Variants in GAN observed in about 807,000 individuals in gnomAD.
GAN encodes the protein epididymis secretory sperm binding protein.
In GAN, 48 loss-of-function variants were observed where a neutral mutation model predicts 71.3. The ratio of observed to expected loss-of-function variants is 0.67; its 90% CI spans 0.53 to 0.86. The LOEUF (loss-of-function observed/expected upper bound fraction) is 0.86, where lower values mean the gene tolerates loss of function less well. Ranked by LOEUF, GAN falls within the 40% of genes least tolerant of loss-of-function variation. The probability of loss-of-function intolerance (pLI) is 0.00; values close to 1 mark genes in which losing one functional copy is unlikely to be tolerated. For synonymous variants in GAN, 386 were observed against 276.8 expected (o/e 1.39, Z -3.92); for missense variants, 928 against 770.1 (o/e 1.21, Z -2.43).
chr16:81,374,946 C>G (rs1904276398), intron 9 of GAN, among the ~76,000 whole-genome samples: 1 of 152,096 alleles, frequency 6.6e-6, no homozygotes, highest in African/African-American at 2.4e-5. Context: ...TGATTCATGT[C>G]AGACCCAAAA....
chr16:81,331,688 C>G (rs990995954), intron 1 of GAN, among the ~76,000 whole-genome samples: 1 of 152,194 alleles, frequency 6.6e-6, no homozygotes, highest in African/African-American at 2.4e-5. Context: ...CGCTCTCTAG[C>G]TTTGCCAAAC....
intron 1 of GAN, among the ~76,000 whole-genome samples, chr16:81,331,718 C>A (rs1192196809): frequency 6.6e-6 from 1 of 152,124 alleles, no homozygotes; most frequent in Non-Finnish European, 1.5e-5. Flanking sequence ...TCTCTCATTT[C>A]TTTGTTGAAG....
chr16:81,345,601 G>A (rs1417245694), intron 1 of GAN, among the ~76,000 whole-genome samples: 4 of 152,166 alleles, frequency 2.6e-5, no homozygotes, highest in African/African-American at 7.2e-5. Context: ...TGTTAGGGGT[G>A]GGGGCCTAGG....
chr16:81,344,334 A>T (rs1910044871), intron 1 of GAN, among the ~76,000 whole-genome samples: 1 of 152,164 alleles, frequency 6.6e-6, no homozygotes, highest in African/African-American at 2.4e-5. Flanking sequence ...CAAAGAACAA[A>T]GTCAGGAGGC....
Position 81,377,517 on chromosome 16 carries a change from C to A in GAN, c.1715C>A (p.Ala572Asp), listed in dbSNP as rs778978997. 1 of 1,614,138 alleles carries A rather than the reference C, an allele frequency of 6.2e-7. No individual in the cohort carries two copies. The highest frequency in any genetic ancestry group is 8.5e-7 in the Non-Finnish European group (1 of 1,179,946). ...PSDLRRTGCA[A>D]LRIANCKLFR... The stretch of plus-strand genomic sequence containing the variant: ...GACCTTCGCCGTACAGGATGTGCAG[C>A]CTTACGCATTGCGAATTGCAAGCTT... The change falls in exon 11 of 11, where the codon GCC (alanine) becomes GAC (aspartate). Residue 572 changes from alanine (A) to aspartate (D), a missense_variant. Coordinates refer to ENST00000648994, the MANE Select transcript of GAN (RefSeq NM_022041.4).
chr16:81,322,037 A>G (rs1909239930), intron 1 of GAN, among the ~76,000 whole-genome samples: 1 of 152,204 alleles, frequency 6.6e-6, no homozygotes, highest in Non-Finnish European at 1.5e-5. Context: ...TTGGAAGAGC[A>G]GAGTTAAATC....
chr16:81,385,211 C>A lies in GAN; in HGVS notation c.*7615C>A, dbSNP rs1904364839. ...CCTCCAATGACAATCTGTTAGCACC[C>A]TGTTGACTTAGCTCAGGACATGAGA... is the stretch of plus-strand genomic sequence containing the variant. On this transcript the variant is annotated 3_prime_UTR_variant, in exon 11 of 11. Coordinates refer to ENST00000648994, the MANE Select transcript of GAN (RefSeq NM_022041.4). 6.6e-6 allele frequency: 1 copy of A among 152,180 alleles called. No homozygotes were observed. The highest frequency in any genetic ancestry group is 2.4e-5 in the African/African-American group (1 of 41,424). 9.4% of individuals were successfully genotyped at this position (152,180 alleles called of 1,614,324 possible). A position where few individuals can be genotyped will look rare whatever the true frequency, so the allele number is the denominator to read the frequency against.
intron 5 of GAN, among the ~76,000 whole-genome samples, chr16:81,359,649 A>T (rs911259010): frequency 2.0e-5 from 3 of 152,036 alleles, no homozygotes; most frequent in African/African-American, 7.2e-5. Flanking sequence ...ATGCATTATC[A>T]CTAATAAATA....
rs1010661801 is a variant in GAN, at chr16:81,384,887, G to T, written c.*7291G>T. ...AGGAAGAAGATGAGGAGGCTCACCAGTTGTAGGCAAGACTCTTCCTCTCGG... is the reference window on the plus strand; with the variant it reads ...AGGAAGAAGATGAGGAGGCTCACCATTTGTAGGCAAGACTCTTCCTCTCGG... On this transcript the variant is annotated 3_prime_UTR_variant, in exon 11 of 11. Coordinates refer to ENST00000648994, the MANE Select transcript of GAN (RefSeq NM_022041.4). 3.3e-5 allele frequency: 5 copies of T among 153,828 alleles called. No individual in the cohort carries two copies. The highest frequency in any genetic ancestry group is 4.8e-5 in the African/African-American group (2 of 41,478). The allele number at this position is 153,828 out of a possible 1,614,324, so 9.5% of individuals were successfully genotyped here.
intron 5 of GAN, among the ~76,000 whole-genome samples, chr16:81,358,234 A>C (rs985158668): frequency 1.3e-5 from 2 of 152,186 alleles, no homozygotes; most frequent in Non-Finnish European, 2.9e-5. Flanking sequence ...GTAGGGCCAC[A>C]CCTGGAACAC....
chr16:81,374,163 T>TTTCTTGCAA (rs1229468814), intron 9 of GAN, among the ~76,000 whole-genome samples: 2 of 152,204 alleles, frequency 1.3e-5, no homozygotes, highest in Non-Finnish European at 2.9e-5. Flanking sequence ...TAGACTGAGG[T>TTTCTTGCAA]TATGCAGTTT....
At chr16:81,369,808 G>T (rs1350188049) in intron 9 of GAN, among the ~76,000 whole-genome samples, 1 of 152,002 alleles carries the variant, frequency 6.6e-6, no homozygotes, top group East Asian at 1.9e-4. Context: ...CTGACCTCTT[G>T]ATCTGCCCGC....
rs975145316 is a variant in GAN, at chr16:81,387,382, C to T, written c.*9786C>T. The T allele has an allele frequency of 1.3e-5, 2 of 152,178 alleles. No homozygotes were observed. The highest frequency in any genetic ancestry group is 2.1e-4 in the South Asian group (1 of 4,828). The allele number at this position is 152,178 out of a possible 1,614,324, so 9.4% of individuals were successfully genotyped here. A position where few individuals can be genotyped will look rare whatever the true frequency, so the allele number is the denominator to read the frequency against. On this transcript the variant is annotated 3_prime_UTR_variant, in exon 11 of 11. Coordinates refer to ENST00000648994, the MANE Select transcript of GAN (RefSeq NM_022041.4). ...GGGTAGCCTTGCTGATGGGGCACGT[C>T]GTCACCAAGGGACCTGATTGTTGTC...
At chr16:81,346,742 C>G (rs765167753) in intron 1 of GAN, among the ~76,000 whole-genome samples, 2 of 152,130 alleles carry the variant, frequency 1.3e-5, no homozygotes, top group Non-Finnish European at 2.9e-5. Context: ...GAAGGAGGCT[C>G]TGGGGAAAAC....
intron 1 of GAN, among the ~76,000 whole-genome samples, chr16:81,334,051 A>G (rs1199254152): frequency 6.6e-6 from 1 of 152,196 alleles, no homozygotes; most frequent in African/African-American, 2.4e-5. Flanking sequence ...TTTGAGATAA[A>G]TTTCTCCTTT....
intron 5 of GAN, among the ~76,000 whole-genome samples, chr16:81,360,749 T>A (rs2150689245): frequency 6.6e-6 from 1 of 152,342 alleles, no homozygotes; most frequent in African/African-American, 2.4e-5. Context: ...CTTTGTTTTT[T>A]AAATAAATTT....
intron 3 of GAN, among the ~76,000 whole-genome samples, chr16:81,355,022 C>T (rs1202933755): frequency 6.6e-6 from 1 of 152,186 alleles, no homozygotes; most frequent in Non-Finnish European, 1.5e-5. Flanking sequence ...TGGGAAAATG[C>T]ATTTCAAGCT....
chr16:81,357,984 C>G, intron 5 of GAN, 53 bp downstream of exon 5: 2 of 1,491,148 alleles, frequency 1.3e-6, no homozygotes, highest in Non-Finnish European at 1.9e-6. Context: ...AATGTGTAAT[C>G]TCAAGGTTTT....
intron 1 of GAN, among the ~76,000 whole-genome samples, chr16:81,316,408 A>T (rs180804186): frequency 6.9e-6 from 1 of 144,780 alleles, no homozygotes; most frequent in Non-Finnish European, 1.5e-5. Context: ...AAGAAATTCA[A>T]GTGCCCTTGT....
Sources: gnomAD v4.1 joint callset for allele counts (sites outside exome capture counted in the v4.1 genomes callset) on GRCh38, gnomAD v4.1.1 for gene constraint, MANE v1.5 for transcripts, NCBI Gene and HGNC (gene_info 2026-07-23, HGNC 2026-07-21) for gene names.